STKLD1: variants seen among roughly 807,000 people sequenced by gnomAD.
The protein encoded by STKLD1 is serine/threonine kinase-like domain-containing protein STKLD1.
In STKLD1, 79 loss-of-function variants were observed where a neutral mutation model predicts 80.4. That is an observed-to-expected ratio of 0.98 (90% CI 0.82 to 1.19). The LOEUF (loss-of-function observed/expected upper bound fraction) is 1.19, where lower values mean the gene tolerates loss of function less well. Ranked by LOEUF, STKLD1 falls within the 50% of genes most tolerant of loss-of-function variation. The pLI, the probability that STKLD1 is intolerant of heterozygous loss-of-function variation, is 0.00. For synonymous variants in STKLD1, 393 were observed against 357.6 expected, an observed-to-expected ratio of 1.10 and a Z score of -1.12; for missense variants, 841 against 856.0, an observed-to-expected ratio of 0.98 and a Z score of 0.22.
At position 133,405,580 on chromosome 9, in the gene STKLD1, T is replaced by TCTG; in HGVS notation, c.*159_*160insCTG. The stretch of plus-strand genomic sequence containing the variant: ...GAGTTTCCTGTCCATGACTGCTGGA[T>TCTG]TGAGTCACATGAGTAACTGCTCCTG... On this transcript the variant is annotated 3_prime_UTR_variant, in exon 18 of 18. Coordinates refer to ENST00000371957, the MANE Select transcript of STKLD1 (RefSeq NM_153710.5). The TCTG allele has an allele frequency of 1.5e-6, 1 of 652,442 alleles. No individual in the cohort carries two copies. Among genetic ancestry groups the TCTG allele is most frequent in the South Asian group, 2.6e-5 (1 of 38,746 alleles). The allele number at this position is 652,442 out of a possible 1,614,324, so 40.4% of individuals were successfully genotyped here.
chr9:133,376,444 A>G lies in STKLD1; in HGVS notation c.-30A>G. 1 of 1,549,246 alleles carries G rather than the reference A, an allele frequency of 6.5e-7. No individual in the cohort carries two copies. ...CCACGCGGGGTGGGGCCAGGGGTGGACGCTCGCCCGTACGCGGTCGCTACT... is the reference window on the plus strand; with the variant it reads ...CCACGCGGGGTGGGGCCAGGGGTGGGCGCTCGCCCGTACGCGGTCGCTACT... On this transcript the variant is annotated 5_prime_UTR_variant, in exon 1 of 18. Coordinates refer to ENST00000371957, the MANE Select transcript of STKLD1 (RefSeq NM_153710.5).
intron 2 of STKLD1, among the ~76,000 whole-genome samples, chr9:133,382,849 G>GTGA (rs1367231660): frequency 4.7e-4 from 67 of 142,810 alleles, no homozygotes; most frequent in Admixed American, 2.7e-4. Context: ...TGGTGATGGT[G>GTGA]TGATGATGGT....
intron 13 of STKLD1, 91 bp from the exon 14 acceptor site, chr9:133,402,787 T>C: frequency 2.1e-6 from 3 of 1,424,610 alleles, no homozygotes; most frequent in Non-Finnish European, 2.8e-6. Context: ...GGATTGCAGG[T>C]CAAATGGGAC....
intron 14 of STKLD1, among the ~76,000 whole-genome samples, chr9:133,403,447 G>A (rs1474766259): frequency 1.3e-5 from 2 of 152,232 alleles, no homozygotes; most frequent in South Asian, 2.1e-4. Context: ...GCACTCCAGC[G>A]CCCCAGGAAA....
Position 133,403,802 on chromosome 9 carries a change from G to T in STKLD1, c.1577G>T (p.Gly526Val). The change falls in exon 15 of 18, where the codon GGA becomes GTA. Residue 526 changes from glycine (G) to valine (V), a missense_variant. Coordinates refer to ENST00000371957, the MANE Select transcript of STKLD1 (RefSeq NM_153710.5). ...GGGGAAATGGCAGAAGCCAGCTGCGGAGTCTTCTGGCTGCTGTCCCTGCTG... is the reference window on the plus strand; with the variant it reads ...GGGGAAATGGCAGAAGCCAGCTGCGTAGTCTTCTGGCTGCTGTCCCTGCTG... ...ADGEMAEASC[G>V]VFWLLSLLGC... 1.2e-6 allele frequency: 2 copies of T among 1,613,656 alleles called. No individual in the cohort carries two copies. Among genetic ancestry groups the T allele is most frequent in the South Asian group, 2.2e-5 (2 of 91,088 alleles).
chr9:133,401,755 G>A lies in STKLD1; in HGVS notation c.1216G>A (p.Glu406Lys), dbSNP rs782686532. Reference sequence around the variant, plus strand: ...TTGAGCAGCGCTGGTGCACCACCCGGAAGCCAAGGCTCCCTGCAACCAAGC... The same window carrying A: ...TTGAGCAGCGCTGGTGCACCACCCGAAAGCCAAGGCTCCCTGCAACCAAGC... ...LLGQALVHHP[E>K]AKAPCNQAIT... Residue 406 changes from glutamate to lysine, a missense_variant, in exon 13 of 18, where the codon GAA (glutamate) becomes AAA (lysine). Glu to Lys is a moderately conservative substitution (Grantham distance 56). Coordinates refer to ENST00000371957, the MANE Select transcript of STKLD1 (RefSeq NM_153710.5). 6.2e-7 allele frequency: 1 copy of A among 1,612,870 alleles called. No homozygotes were observed. Among genetic ancestry groups the A allele is most frequent in the Admixed American group, 1.7e-5 (1 of 59,986 alleles).
chr9:133,388,427 A>C (rs1838311687), intron 5 of STKLD1, among the ~76,000 whole-genome samples: 1 of 152,148 alleles, frequency 6.6e-6, no homozygotes, highest in South Asian at 2.1e-4. Context: ...TTGTATTATT[A>C]ATAGAGACAA....
chr9:133,376,845 G>T (rs1055569161), intron 1 of STKLD1, among the ~76,000 whole-genome samples: 6 of 152,174 alleles, frequency 3.9e-5, no homozygotes, highest in Admixed American at 3.3e-4. Flanking sequence ...GGGTCTGTGC[G>T]CTTGGGTCCA....
In STKLD1 at chr9:133,394,694, G is replaced by A; in HGVS notation, c.702+285G>A. ...CCAGGTGGTGTCACTGACTCTTGATGGAGAAAAGCCAAGTTCAGGTGCCCT... is the reference window on the plus strand; with the variant it reads ...CCAGGTGGTGTCACTGACTCTTGATAGAGAAAAGCCAAGTTCAGGTGCCCT... On this transcript the variant is annotated intron_variant, in intron 8 of 17. Transcript: ENST00000371957. This position sits in a 1 kb window ranked among gnomAD's most constrained non-coding sequence, Gnocchi z 4.9. 1 of 420,096 alleles carries A rather than the reference G, an allele frequency of 2.4e-6. No homozygotes were observed. The highest frequency in any genetic ancestry group is 4.4e-6 in the Non-Finnish European group (1 of 228,262). 26.0% of individuals were successfully genotyped at this position (420,096 alleles called of 1,614,324 possible). A position where few individuals can be genotyped will look rare whatever the true frequency, so the allele number is the denominator to read the frequency against.
chr9:133,400,669 G>A (rs1030517415), intron 12 of STKLD1, 140 bp downstream of exon 12: 1 of 752,692 alleles, frequency 1.3e-6, no homozygotes, highest in Non-Finnish European at 2.3e-6. Context: ...CACCTTCTAG[G>A]CCATCTTCTA....
rs1554776658 is a variant in STKLD1, at chr9:133,395,803, A to G, written c.866+40A>G. 3.1e-6 allele frequency: 5 copies of G among 1,593,626 alleles called. No homozygotes were observed. The African/African-American group carries it at 4.0e-5, about 13-fold the overall frequency. ...GGGGTTTATTTTAACCTGTGGATTTATCTTTCAACATCTCTCCACCCTAAT... is the reference window on the plus strand; with the variant it reads ...GGGGTTTATTTTAACCTGTGGATTTGTCTTTCAACATCTCTCCACCCTAAT... On this transcript the variant is annotated intron_variant, in intron 9 of 17. Transcript: ENST00000371957.
rs886154645 is a variant in STKLD1, at chr9:133,385,826, C to T, written c.294+135C>T. The T allele has an allele frequency of 1.4e-6, 1 of 738,170 alleles. No homozygotes were observed. The highest frequency in any genetic ancestry group is 2.3e-6 in the Non-Finnish European group (1 of 443,622). The allele number at this position is 738,170 out of a possible 1,614,324, so 45.7% of individuals were successfully genotyped here. A position where few individuals can be genotyped will look rare whatever the true frequency, so the allele number is the denominator to read the frequency against. On this transcript the variant is annotated intron_variant, in intron 4 of 17. Transcript: ENST00000371957. This position sits in a 1 kb window ranked among gnomAD's most constrained non-coding sequence, Gnocchi z 4.9. The stretch of plus-strand genomic sequence containing the variant: ...GCAATGGCAGTGACTGTAAACGTGG[C>T]CACCCCTGACCTAACACTCACTGGG...
At position 133,379,080 on chromosome 9, in the gene STKLD1, G is replaced by C; in HGVS notation, c.132G>C (p.Val44=). ...LNPGALGVNL[V]VEEMETKVKH... ...CTGGGGCCTTGGGGGTGAACCTGGT[G>C]GTGGAGGAAATGGAAACCAAAGTCA... is the stretch of plus-strand genomic sequence containing the variant. Residue 44 remains valine (V), a synonymous_variant, in exon 2 of 18, where the codon GTG becomes GTC. Transcript: ENST00000371957. 4 of 1,614,070 alleles carry C rather than the reference G, an allele frequency of 2.5e-6. No homozygotes were observed. Among genetic ancestry groups the C allele is most frequent in the Middle Eastern group, 1.7e-4 (1 of 6,058 alleles).
In STKLD1 at chr9:133,405,439, A is replaced by C; in HGVS notation, c.*18A>C. ...TGGAATAGATGTTTGTATGGAACTG[A>C]CCTTGATCTCCACGTGTATAGTTTT... On this transcript the variant is annotated 3_prime_UTR_variant, in exon 18 of 18. Coordinates refer to ENST00000371957, the MANE Select transcript of STKLD1 (RefSeq NM_153710.5). The C allele has an allele frequency of 1.3e-6, 2 of 1,586,198 alleles. No individual in the cohort carries two copies. Among genetic ancestry groups the C allele is most frequent in the Non-Finnish European group, 1.7e-6 (2 of 1,170,390 alleles).
rs1328338616 is a variant in STKLD1, at chr9:133,384,771, C to T, written c.220-846C>T. 6.6e-6 allele frequency: 1 copy of T among 152,082 alleles called. No homozygotes were observed. The highest frequency in any genetic ancestry group is 6.6e-5 in the Admixed American group (1 of 15,258). 9.4% of individuals were successfully genotyped at this position (152,082 alleles called of 1,614,324 possible). A position where few individuals can be genotyped will look rare whatever the true frequency, so the allele number is the denominator to read the frequency against. ...CTTAATTCTACCATTGAGAGCTGCC[C>T]AGCAGTAACATACTCGTTTACAATA... On this transcript the variant is annotated intron_variant, in intron 3 of 17. Coordinates refer to ENST00000371957, the MANE Select transcript of STKLD1 (RefSeq NM_153710.5). This position sits in a 1 kb window ranked among gnomAD's most constrained non-coding sequence, Gnocchi z 4.3.
In STKLD1 at chr9:133,402,950, C is replaced by A; in HGVS notation, c.1412C>A (p.Ser471Tyr). 1 of 1,583,348 alleles carries A rather than the reference C, an allele frequency of 6.3e-7. No individual in the cohort carries two copies. Among genetic ancestry groups the A allele is most frequent in the Admixed American group, 1.8e-5 (1 of 56,096 alleles). The change falls in exon 14 of 18, where the codon TCC (serine) becomes TAC (tyrosine). Residue 471 changes from serine (S) to tyrosine (Y), a missense_variant. Physicochemically the swap from Ser to Tyr is moderately radical, Grantham distance 144 (BLOSUM62 -2). Transcript: ENST00000371957. ...CACATCCTGGAGCACCTCAACAGCT[C>A]CCTCGAAAGCAGGGACGTCTGCGCC... ...LEHILEHLNS[S>Y]LESRDVCASG...
In STKLD1 at chr9:133,406,052, A is replaced by G. The variant is rs1048774471; in HGVS notation, c.*631A>G. ...AGATGAGAGTCAACACTGAGCCTCC[A>G]CAGGCTCCATTCCAAGTAAACATCT... On this transcript the variant is annotated 3_prime_UTR_variant, in exon 18 of 18. Transcript: ENST00000371957. 8 of 152,258 alleles carry G rather than the reference A, an allele frequency of 5.3e-5. No homozygotes were observed. Among genetic ancestry groups the G allele is most frequent in the African/African-American group, 1.9e-4 (8 of 41,454 alleles). 9.4% of individuals were successfully genotyped at this position (152,258 alleles called of 1,614,324 possible).
In STKLD1 at chr9:133,390,076, G is replaced by A. The variant is rs1021367623; in HGVS notation, c.467+480G>A. ...TATGCAGCTGGGCGTGGTGGTGCAC[G>A]CCTGTGGTCCTAGCAACATGGAGGC... On this transcript the variant is annotated intron_variant, in intron 6 of 17. Transcript: ENST00000371957. The surrounding 1 kb of genome is among the most constrained non-coding windows in gnomAD (Gnocchi z 5.1). 3.9e-5 allele frequency among the ~76,000 whole-genome samples: 6 copies of A among 152,128 alleles called. No individual in the cohort carries two copies. Among genetic ancestry groups the A allele is most frequent in the Admixed American group, 2.0e-4 (3 of 15,282 alleles).
At chr9:133,398,361 T>C (rs1838614873) in intron 11 of STKLD1, among the ~76,000 whole-genome samples, 1 of 152,258 alleles carries the variant, frequency 6.6e-6, no homozygotes, top group African/African-American at 2.4e-5. Flanking sequence ...TCCACTATTA[T>C]GAATGATACT....
Sources: gnomAD v4.1 joint callset for allele counts (sites outside exome capture counted in the v4.1 genomes callset) on GRCh38, gnomAD v4.1.1 for gene constraint, Gnocchi (gnomAD v3.1) non-coding constraint, MANE v1.5 for transcripts, NCBI Gene and HGNC (gene_info 2026-07-23, HGNC 2026-07-21) for gene names.